Variants in USP45 observed in about 807,000 individuals in gnomAD.
USP45 encodes the protein ubiquitin specific peptidase 45, also known as ubiquitin carboxyl-terminal hydrolase 45.
A neutral mutation model predicts 95.8 loss-of-function variants in USP45; 89 were observed. The ratio of observed to expected loss-of-function variants is 0.93; its 90% confidence interval spans 0.78 to 1.11. USP45 has a LOEUF of 1.11. USP45 is among the 50% of genes least tolerant of loss of function. USP45 has a pLI of 0.00. For synonymous variants in USP45, 281 were observed against 316.2 expected, an observed-to-expected ratio of 0.89 and a Z score of 1.18; for missense variants, 898 against 942.5, an observed-to-expected ratio of 0.95 and a Z score of 0.62.
chr6:99,445,954 G>T lies in USP45; in HGVS notation c.1818C>A (p.Thr606=). The change falls in exon 14 of 18, where the codon ACC becomes ACA. Residue 606 remains threonine (T), a synonymous_variant. Coordinates refer to ENST00000500704, the MANE Select transcript of USP45 (RefSeq NM_001346022.3). The part of the protein sequence containing the change: ...RSYSPQNAFQ[T]LSQSYITTSK... ...AAGTAGTTATATAGCTCTGAGAAAG[G>T]GTCTGAAAAGCATTTTGGGGACTAT... 1 of 1,613,880 alleles carries T rather than the reference G, an allele frequency of 6.2e-7. No individual in the cohort carries two copies. Among genetic ancestry groups the T allele is most frequent in the South Asian group, 1.1e-5 (1 of 91,066 alleles).
Position 99,462,628 on chromosome 6 carries a change from A to G in USP45, c.1308+1976T>C, listed in dbSNP as rs754251756. The G allele has an allele frequency of 3.0e-4, 296 of 985,298 alleles. 1 individual carries two copies. Among genetic ancestry groups the G allele is most frequent in the Non-Finnish European group, 7.2e-5 (60 of 829,942 alleles). The allele number at this position is 985,298 out of a possible 1,614,324, so 61.0% of individuals were successfully genotyped here. A position where few individuals can be genotyped will look rare whatever the true frequency, so the allele number is the denominator to read the frequency against. The stretch of plus-strand genomic sequence containing the variant: ...AAGCAAAATTAGCTTTTATTTATAG[A>G]AAACATGTTGTCCTTTCTGAAGTCT... On this transcript the variant is annotated intron_variant, in intron 13 of 17. Transcript: ENST00000500704.
chr6:99,439,610 G>GT (rs1192011566), intron 16 of USP45, among the ~76,000 whole-genome samples, 159 bp downstream of exon 16: 1 of 152,108 alleles, frequency 6.6e-6, no homozygotes, highest in African/African-American at 2.4e-5. Flanking sequence ...CATATTCAAT[G>GT]TATTAAGTGT....
At chr6:99,437,215 T>C in intron 17 of USP45, 31 bp downstream of exon 17, 1 of 1,583,408 alleles carries the variant, frequency 6.3e-7, no homozygotes, top group Non-Finnish European at 8.6e-7. Context: ...TCGTTTGTTT[T>C]TAAGAATAAA....
chr6:99,437,563 T>C (rs1780743591), intron 16 of USP45, among the ~76,000 whole-genome samples, 164 bp from the exon 17 acceptor site: 1 of 152,204 alleles, frequency 6.6e-6, no homozygotes, highest in Non-Finnish European at 1.5e-5. Context: ...TTAACAAGGT[T>C]CTCTGTTGGC....
chr6:99,462,131 T>C (rs1428307546), intron 13 of USP45: 4 of 983,452 alleles, frequency 4.1e-6, no homozygotes, highest in Non-Finnish European at 4.8e-6. Flanking sequence ...AAAAAAAAGG[T>C]AACTCTATTA....
intron 9 of USP45, among the ~76,000 whole-genome samples, chr6:99,470,776 CAGG>C (rs1213646975): frequency 2.6e-5 from 4 of 152,094 alleles, no homozygotes; most frequent in Admixed American, 2.0e-4. Flanking sequence ...AAATTCCATG[CAGG>C]AGAAATATTT....
At chr6:99,454,359 A>C (rs1179993554) in intron 13 of USP45, among the ~76,000 whole-genome samples, 2 of 152,218 alleles carry the variant, frequency 1.3e-5, no homozygotes, top group Non-Finnish European at 2.9e-5. Flanking sequence ...TAAAACCACA[A>C]GAAGAAAACA....
intron 14 of USP45, among the ~76,000 whole-genome samples, chr6:99,445,021 CCT>C (rs777928506): frequency 5.1e-4 from 78 of 152,254 alleles, no homozygotes; most frequent in Admixed American, 3.7e-3. Flanking sequence ...TTATTTTCCC[CCT>C]TTCTCCACTT....
In USP45 at chr6:99,466,663, A is replaced by G. The variant is rs374072608; in HGVS notation, c.1107+9T>C. 13 of 1,604,964 alleles carry G rather than the reference A, an allele frequency of 8.1e-6. No individual in the cohort carries two copies. In the African/African-American group the frequency reaches 1.6e-4, roughly 20 times the overall value. ...CATTCCATGCTGAATTGAATTCTAAAGTACCTACATTTGCACATTCTTCAC... is the reference window on the plus strand; with the variant it reads ...CATTCCATGCTGAATTGAATTCTAAGGTACCTACATTTGCACATTCTTCAC... On this transcript the variant is annotated intron_variant, in intron 11 of 17. Transcript: ENST00000500704.
In USP45 at chr6:99,508,001, C is replaced by CT. The variant is rs964691406; in HGVS notation, c.274-471dup. ...AAATCCGCTGAATCTTTCCAGAAGG[C>CT]TTTTTTTTTGTTTGTTTTTTAAGAG... On this transcript the variant is annotated intron_variant, in intron 3 of 17. Coordinates refer to ENST00000500704, the MANE Select transcript of USP45 (RefSeq NM_001346022.3). Among the ~76,000 whole-genome samples, 476 of 151,234 alleles carry CT rather than the reference C, an allele frequency of 3.1e-3. 3 individuals are homozygous for CT. The highest frequency in any genetic ancestry group is 9.4e-3 in the African/African-American group (389 of 41,232).
chr6:99,510,106 T>C lies in USP45; in HGVS notation c.100+15A>G, dbSNP rs748999158. The C allele has an allele frequency of 3.8e-6, 6 of 1,568,792 alleles. No homozygotes were observed. Among genetic ancestry groups the C allele is most frequent in the African/African-American group, 2.7e-5 (2 of 73,878 alleles). On this transcript the variant is annotated intron_variant, in intron 2 of 17. Coordinates refer to ENST00000500704, the MANE Select transcript of USP45 (RefSeq NM_001346022.3). The stretch of plus-strand genomic sequence containing the variant: ...CTTCTCAACACTATTTGGGATGCCA[T>C]ATATCACAATTTACCAGCAATATCA...
chr6:99,487,102 A>G (rs1794094042), intron 7 of USP45, among the ~76,000 whole-genome samples: 1 of 152,216 alleles, frequency 6.6e-6, no homozygotes, highest in African/African-American at 2.4e-5. Context: ...TTTACTCTAG[A>G]GTGAATGCCC....
chr6:99,510,195 G>A lies in USP45; in HGVS notation c.26C>T (p.Ala9Val). ...ACTTCTTTTGGCTTTCTCAGGTAAA[G>A]CTTTAGTTGGATCTTTCACCCGCAT... MRVKDPTK[A>V]LPEKAKRSKR... The change falls in exon 2 of 18, where the codon GCT (alanine) becomes GTT (valine). Residue 9 changes from alanine to valine, a missense_variant. Physicochemically the swap from Ala to Val is moderately conservative, Grantham distance 64. Transcript: ENST00000500704. 6.2e-7 allele frequency: 1 copy of A among 1,613,766 alleles called. No homozygotes were observed.
At chr6:99,515,020 T>C (rs542482345) in intron 1 of USP45, 13 of 152,296 alleles carry the variant, frequency 8.5e-5, no homozygotes, top group Non-Finnish European at 1.3e-4. Context: ...GAAAAGTCAT[T>C]AGACAGGCTT....
intron 16 of USP45, among the ~76,000 whole-genome samples, chr6:99,437,776 C>G (rs561189621): frequency 2.0e-5 from 3 of 152,090 alleles, no homozygotes; most frequent in African/African-American, 7.2e-5. Context: ...TCCTGCCTCA[C>G]GTTCCCAAGT....
chr6:99,461,907 G>C, intron 13 of USP45: 1 of 985,180 alleles, frequency 1.0e-6, no homozygotes, highest in Non-Finnish European at 1.2e-6. Context: ...ACTGAAAGTA[G>C]TTAACTACTG....
chr6:99,476,077 C>T, intron 9 of USP45, 66 bp downstream of exon 9: 10 of 1,481,936 alleles, frequency 6.7e-6, no homozygotes, highest in Non-Finnish European at 9.3e-6. Flanking sequence ...CTTGGCCCCC[C>T]AATAATCCCT....
chr6:99,466,568 C>T, intron 11 of USP45, 104 bp downstream of exon 11: 1 of 940,834 alleles, frequency 1.1e-6, no homozygotes. Flanking sequence ...AATCATCTGT[C>T]AAATTTTAAA....
chr6:99,513,306 A>G (rs1583515068), intron 1 of USP45, among the ~76,000 whole-genome samples: 1 of 152,148 alleles, frequency 6.6e-6, no homozygotes, highest in African/African-American at 2.4e-5. Flanking sequence ...TACTATCCAC[A>G]GAGCCATTTC....
Sources: allele counts gnomAD v4.1 joint callset (sites outside exome capture counted in the v4.1 genomes callset), GRCh38; gene constraint gnomAD v4.1.1; transcripts MANE v1.5; gene names NCBI Gene and HGNC (gene_info 2026-07-23, HGNC 2026-07-21).